Variants in XAB2 observed in about 807,000 individuals in gnomAD.
XAB2 encodes the protein XPA binding protein 2.
In XAB2, 57 loss-of-function variants were observed where a neutral mutation model predicts 113.4. The observed-to-expected ratio is 0.50, with a 90% CI of 0.41 to 0.63. The LOEUF is 0.63. XAB2 is among the 20% of genes least tolerant of loss of function. The probability of loss-of-function intolerance (pLI) is 0.00; values close to 1 mark genes in which losing one functional copy is unlikely to be tolerated. For synonymous variants in XAB2, 497 were observed against 498.8 expected (o/e 1.00, Z 0.05); for missense variants, 1,037 against 1,233.3 (o/e 0.84, Z 2.38).
chr19:7,626,927 G>T (rs964623241), intron 4 of XAB2, among the ~76,000 whole-genome samples: 3 of 152,150 alleles, frequency 2.0e-5, no homozygotes, highest in African/African-American at 7.2e-5. Context: ...CCCTCTTCAT[G>T]GCTGTGGTTT....
rs1380341116 is a variant in XAB2 at position 7,628,855 on chromosome 19, T to C, written c.52-557A>G. ...CACTAGCCAGCGTCTAGCTCAACTC[T>C]GCCCCAGAAATTAAAAGCTAGGCCT... is the stretch of plus-strand genomic sequence containing the variant. On this transcript the variant is annotated intron_variant, in intron 1 of 18. Transcript: ENST00000358368. The surrounding 1 kb of genome is among the most constrained non-coding windows in gnomAD (Gnocchi z 4.6). Among the ~76,000 whole-genome samples, 1 of 152,180 alleles carries C rather than the reference T, an allele frequency of 6.6e-6. No homozygotes were observed. The highest frequency in any genetic ancestry group is 1.5e-5 in the Non-Finnish European group (1 of 68,030).
At chr19:7,621,375 T>C (rs963419894) in intron 12 of XAB2, 78 bp from the exon 13 acceptor site, 46 of 1,545,596 alleles carry the variant, frequency 3.0e-5, no homozygotes, top group Non-Finnish European at 4.0e-5. Flanking sequence ...TTGGGTGGCG[T>C]CTGTAGGGAG....
In XAB2 at chr19:7,619,895, G is replaced by C. The variant is rs1406748723; in HGVS notation, c.2397-39C>G. 3 of 1,609,508 alleles carry C rather than the reference G, an allele frequency of 1.9e-6. No individual in the cohort carries two copies. The African/African-American group carries it at 4.0e-5, about 21-fold the overall frequency. On this transcript the variant is annotated intron_variant, in intron 17 of 18. Transcript: ENST00000358368. ...ATGCTGCCTCAGTTCCCCACCCCGGGCCCCCTTGGGACCTGTCCCAGTCCT... is the reference window on the plus strand; with the variant it reads ...ATGCTGCCTCAGTTCCCCACCCCGGCCCCCCTTGGGACCTGTCCCAGTCCT...
chr19:7,629,229 G>C (rs546525131), intron 1 of XAB2, among the ~76,000 whole-genome samples: 1 of 152,206 alleles, frequency 6.6e-6, no homozygotes, highest in Non-Finnish European at 1.5e-5. Flanking sequence ...TTCCGCCCCT[G>C]GTTCGGGAGG....
rs1254362037 is a variant in XAB2 at position 7,625,814 on chromosome 19, C to T, written c.822+66G>A. ...TGTTTTCTGCCTGTGCATGTGTCAACATGTGTCCCCGAGTGTCGGAGGGAG... is the reference window on the plus strand; with the variant it reads ...TGTTTTCTGCCTGTGCATGTGTCAATATGTGTCCCCGAGTGTCGGAGGGAG... On this transcript the variant is annotated intron_variant, in intron 6 of 18. Coordinates refer to ENST00000358368, the MANE Select transcript of XAB2 (RefSeq NM_020196.3). This position sits in a 1 kb window ranked among gnomAD's most constrained non-coding sequence, Gnocchi z 5.2. The T allele has an allele frequency of 1.3e-6, 2 of 1,537,224 alleles. No individual in the cohort carries two copies. Among genetic ancestry groups the T allele is most frequent in the African/African-American group, 2.7e-5 (2 of 72,994 alleles).
In XAB2 at chr19:7,627,460, C is replaced by A. The variant is rs371844563; in HGVS notation, c.325-20G>T. On this transcript the variant is annotated intron_variant, in intron 3 of 18. Coordinates refer to ENST00000358368, the MANE Select transcript of XAB2 (RefSeq NM_020196.3). The surrounding 1 kb of genome is among the most constrained non-coding windows in gnomAD (Gnocchi z 4.5). ...AGGCATCTGGGGGTGTGGGGAGAGGCGGCTGGGGCTAAGCCACGGACTCCA... is the reference window on the plus strand; with the variant it reads ...AGGCATCTGGGGGTGTGGGGAGAGGAGGCTGGGGCTAAGCCACGGACTCCA... 1 of 1,590,964 alleles carries A rather than the reference C, an allele frequency of 6.3e-7. No homozygotes were observed. Among genetic ancestry groups the A allele is most frequent in the Non-Finnish European group, 8.5e-7 (1 of 1,170,428 alleles).
chr19:7,623,125 C>A lies in XAB2; in HGVS notation c.1239+45G>T. The A allele has an allele frequency of 6.2e-7, 1 of 1,606,398 alleles. No individual in the cohort carries two copies. The highest frequency in any genetic ancestry group is 8.5e-7 in the Non-Finnish European group (1 of 1,175,760). Reference sequence around the variant, plus strand: ...ACATACATGCACACATATACAAGCACACACACATGCATGAACACACAGGCA... The same window carrying A: ...ACATACATGCACACATATACAAGCAAACACACATGCATGAACACACAGGCA... On this transcript the variant is annotated intron_variant, in intron 9 of 18. Transcript: ENST00000358368. This position sits in a 1 kb window ranked among gnomAD's most constrained non-coding sequence, Gnocchi z 4.6.
In XAB2 at chr19:7,624,428, C is replaced by T; in HGVS notation, c.840G>A (p.Glu280=). Residue 280 remains glutamate (E), a synonymous_variant, in exon 7 of 19, where the codon GAG becomes GAA. Coordinates refer to ENST00000358368, the MANE Select transcript of XAB2 (RefSeq NM_020196.3). This position sits in a 1 kb window ranked among gnomAD's most constrained non-coding sequence, Gnocchi z 4.2. The part of the protein sequence containing the change: ...GHFEKARDVY[E]EAIRTVMTVR... ...CGGTCATCACTGTCCGGATGGCCTC[C>T]TCGTACACGTCCCGAGCCTGTGGGG... The T allele has an allele frequency of 6.2e-7, 1 of 1,614,110 alleles. No homozygotes were observed. Among genetic ancestry groups the T allele is most frequent in the Non-Finnish European group, 8.5e-7 (1 of 1,179,986 alleles).
chr19:7,627,695 C>T lies in XAB2; in HGVS notation c.324+33G>A, dbSNP rs1292186562. Reference sequence around the variant, plus strand: ...ACCCACCACCATGGACTGAGCTCCACTTCCCGATTCATCCCCTCGCCGAGC... The same window carrying T: ...ACCCACCACCATGGACTGAGCTCCATTTCCCGATTCATCCCCTCGCCGAGC... On this transcript the variant is annotated intron_variant, in intron 3 of 18. Coordinates refer to ENST00000358368, the MANE Select transcript of XAB2 (RefSeq NM_020196.3). The surrounding 1 kb of genome is among the most constrained non-coding windows in gnomAD (Gnocchi z 4.5). 1 of 1,611,248 alleles carries T rather than the reference C, an allele frequency of 6.2e-7. No homozygotes were observed. The highest frequency in any genetic ancestry group is 8.5e-7 in the Non-Finnish European group (1 of 1,178,278).
At chr19:7,622,737 C>T in intron 10 of XAB2, 25 bp downstream of exon 10, 2 of 1,613,522 alleles carry the variant, frequency 1.2e-6, no homozygotes, top group Non-Finnish European at 1.7e-6. Context: ...GCAGCCCCCA[C>T]CCCACAGCCT....
Position 7,628,133 on chromosome 19 carries a change from G to A in XAB2, c.200+17C>T. ...GGGGTGGGGGCTGGTGGGCAGGGCAGCTGGAGCCATTCCCACCTGCAGGGC... is the reference window on the plus strand; with the variant it reads ...GGGGTGGGGGCTGGTGGGCAGGGCAACTGGAGCCATTCCCACCTGCAGGGC... On this transcript the variant is annotated intron_variant, in intron 2 of 18. Transcript: ENST00000358368. The surrounding 1 kb of genome is among the most constrained non-coding windows in gnomAD (Gnocchi z 4.6). 6.2e-7 allele frequency: 1 copy of A among 1,607,270 alleles called. No individual in the cohort carries two copies. The highest frequency in any genetic ancestry group is 8.5e-7 in the Non-Finnish European group (1 of 1,177,140).
chr19:7,624,150 A>G lies in XAB2; in HGVS notation c.967+151T>C. 1 of 1,329,310 alleles carries G rather than the reference A, an allele frequency of 7.5e-7. No homozygotes were observed. The highest frequency in any genetic ancestry group is 1.0e-6 in the Non-Finnish European group (1 of 970,452). The allele number at this position is 1,329,310 out of a possible 1,614,324, so 82.3% of individuals were successfully genotyped here. A position where few individuals can be genotyped will look rare whatever the true frequency, so the allele number is the denominator to read the frequency against. ...AGTGTCCCCATTCCTGGCTCCTTCA[A>G]GACCCCCACACCCCCTGCATCCACT... On this transcript the variant is annotated intron_variant, in intron 7 of 18. Transcript: ENST00000358368. The surrounding 1 kb of genome is among the most constrained non-coding windows in gnomAD (Gnocchi z 4.2).
chr19:7,627,282 C>T lies in XAB2; in HGVS notation c.483G>A (p.Leu161=). The change falls in exon 4 of 19, where the codon CTG becomes CTA. Residue 161 remains leucine (L), a synonymous_variant. Coordinates refer to ENST00000358368, the MANE Select transcript of XAB2 (RefSeq NM_020196.3). This position sits in a 1 kb window ranked among gnomAD's most constrained non-coding sequence, Gnocchi z 4.5. ...LYLRFLRSHP[L]PETAVRGYRR... is the part of the protein sequence containing the mutation. ...GATAGCCTCGCACAGCTGTCTCAGGCAGTGGGTGTGAGCGCAGGAAGCGCA... is the reference window on the plus strand; with the variant it reads ...GATAGCCTCGCACAGCTGTCTCAGGTAGTGGGTGTGAGCGCAGGAAGCGCA... The T allele has an allele frequency of 6.2e-7, 1 of 1,613,660 alleles. No individual in the cohort carries two copies.
At chr19:7,621,706 AAC>A (rs2031038058) in intron 12 of XAB2, 1 of 197,492 alleles carries the variant, frequency 5.1e-6, no homozygotes, top group Non-Finnish European at 1.0e-5. Context: ...GATCCATAGA[AAC>A]ACACACTCAA....
chr19:7,626,907 C>T (rs794082), intron 4 of XAB2, among the ~76,000 whole-genome samples: 26,456 of 152,188 alleles, frequency 0.17, 2,640 homozygotes, highest in Non-Finnish European at 0.23. Flanking sequence ...CTCCCCACCC[C>T]TATTCCTGGC....
intron 10 of XAB2, 24 bp from the exon 11 acceptor site, chr19:7,622,685 G>A: frequency 6.2e-7 from 1 of 1,612,194 alleles, no homozygotes; most frequent in Non-Finnish European, 8.5e-7. Flanking sequence ...CAGTGGCCGG[G>A]GAGGCGCTCA....
At position 7,624,461 on chromosome 19, in the gene XAB2, G is replaced by A. The variant is rs754974069; in HGVS notation, c.823-16C>T. The A allele has an allele frequency of 1.2e-6, 2 of 1,613,912 alleles. No homozygotes were observed. The highest frequency in any genetic ancestry group is 1.1e-5 in the South Asian group (1 of 91,090). ...CGTCCCGAGCCTGTGGGGACCCAGG[G>A]AAGGGGAGGTGAGAGGAAAGTGGCG... On this transcript the variant is annotated splice_polypyrimidine_tract_variant and intron_variant, in intron 6 of 18. Coordinates refer to ENST00000358368, the MANE Select transcript of XAB2 (RefSeq NM_020196.3). This position sits in a 1 kb window ranked among gnomAD's most constrained non-coding sequence, Gnocchi z 4.2.
At chr19:7,621,095 G>GT in intron 13 of XAB2, 40 bp downstream of exon 13, 6 of 1,486,326 alleles carry the variant, frequency 4.0e-6, no homozygotes, top group South Asian at 1.2e-5. Flanking sequence ...CAGAAACCCA[G>GT]CCCGCCCGCC....
At position 7,627,920 on chromosome 19, in the gene XAB2, C is replaced by A. The variant is rs1445106257; in HGVS notation, c.201-69G>T. Reference sequence around the variant, plus strand: ...GACACCCCCAGAACCATTTGCCCTGCCCCAGTTGGCAAATGTGGGAAGAAG... The same window carrying A: ...GACACCCCCAGAACCATTTGCCCTGACCCAGTTGGCAAATGTGGGAAGAAG... On this transcript the variant is annotated intron_variant, in intron 2 of 18. Coordinates refer to ENST00000358368, the MANE Select transcript of XAB2 (RefSeq NM_020196.3). The surrounding 1 kb of genome is among the most constrained non-coding windows in gnomAD (Gnocchi z 4.5). The A allele has an allele frequency of 1.9e-6, 3 of 1,571,006 alleles. No individual in the cohort carries two copies. The highest frequency in any genetic ancestry group is 2.7e-5 in the African/African-American group (2 of 74,024).
Sources: allele counts gnomAD v4.1 joint callset (sites outside exome capture counted in the v4.1 genomes callset), GRCh38; gene constraint gnomAD v4.1.1; non-coding constraint Gnocchi (gnomAD v3.1); transcripts MANE v1.5; gene names NCBI Gene and HGNC (gene_info 2026-07-23, HGNC 2026-07-21).